Variants in MED16 observed in about 807,000 individuals in gnomAD.
MED16 encodes the protein mediator complex subunit 16.
Under a neutral mutation model 84.4 loss-of-function variants are expected in MED16, and 81 were observed. The ratio of observed to expected loss-of-function variants is 0.96; its 90% CI spans 0.80 to 1.15. The LOEUF is 1.15. MED16 is among the 50% of genes most tolerant of loss of function. The pLI, the probability that MED16 is intolerant of heterozygous loss-of-function variation, is 0.00. For synonymous variants in MED16, 897 were observed against 552.2 expected, an observed-to-expected ratio of 1.62 and a Z score of -8.76; for missense variants, 1,585 against 1,245.9, an observed-to-expected ratio of 1.27 and a Z score of -4.10.
chr19:874,469 C>T lies in MED16; in HGVS notation c.1771+775G>A, dbSNP rs1318312054. Among the ~76,000 whole-genome samples the T allele has an allele frequency of 3.3e-5, 5 of 152,300 alleles. No individual in the cohort carries two copies. In the South Asian group the frequency reaches 8.3e-4, roughly 25 times the overall value. The stretch of plus-strand genomic sequence containing the variant: ...CAGTGGCTCACGCCTGTAATCCCAG[C>T]GCTTTGGGAGGCAGAGGCGAGTAGG... On this transcript the variant is annotated intron_variant, in intron 10 of 15. Coordinates refer to ENST00000325464, the MANE Select transcript of MED16 (RefSeq NM_005481.3).
chr19:888,398 C>A (rs1489019116), intron 4 of MED16, among the ~76,000 whole-genome samples: 2 of 151,446 alleles, frequency 1.3e-5, no homozygotes, highest in Non-Finnish European at 2.9e-5. Flanking sequence ...GTGGTGGGTG[C>A]CTGTAATCCC....
intron 9 of MED16, among the ~76,000 whole-genome samples, chr19:876,275 G>C (rs573502045): frequency 1.2e-3 from 176 of 152,242 alleles, no homozygotes; most frequent in Non-Finnish European, 1.8e-3. Flanking sequence ...CTCTGGGATT[G>C]CAGGCACATA....
At chr19:877,322 G>A (rs906094265) in intron 8 of MED16, 142 bp from the exon 9 acceptor site, 11 of 728,888 alleles carry the variant, frequency 1.5e-5, no homozygotes, top group African/African-American at 1.2e-4. Flanking sequence ...GCGCGCATGT[G>A]TCTGTAGCGT....
At position 876,989 on chromosome 19, in the gene MED16, G is replaced by A. The variant is rs150192510; in HGVS notation, c.1545C>T (p.Thr515=). The A allele has an allele frequency of 5.9e-4, 929 of 1,587,488 alleles. No individual in the cohort carries two copies. Among genetic ancestry groups the A allele is most frequent in the Middle Eastern group, 2.5e-3 (14 of 5,700 alleles). ...GGGCCCCCACCTGCTGCAGGGCAGC[G>A]GTCTGGCGCGTGTACTCCTCGTGCA... The part of the protein sequence containing the change: ...EKLHEEYTRQ[T]AALQQVLSTR... Residue 515 remains threonine (T), a synonymous_variant, in exon 9 of 16, where the codon ACC becomes ACT. Coordinates refer to ENST00000325464, the MANE Select transcript of MED16 (RefSeq NM_005481.3).
intron 4 of MED16, among the ~76,000 whole-genome samples, chr19:887,455 CAGG>C (rs1302766397): frequency 1.3e-5 from 2 of 151,770 alleles, no homozygotes; most frequent in African/African-American, 4.8e-5. Context: ...ATCTCAAGGT[CAGG>C]AGTTCGACAC....
At position 885,022 on chromosome 19, in the gene MED16, G is replaced by T. The variant is rs553078648; in HGVS notation, c.880-14C>A. The T allele has an allele frequency of 3.2e-6, 5 of 1,577,780 alleles. No individual in the cohort carries two copies. Among genetic ancestry groups the T allele is most frequent in the African/African-American group, 2.7e-5 (2 of 74,536 alleles). On this transcript the variant is annotated splice_polypyrimidine_tract_variant and intron_variant, in intron 5 of 15. Coordinates refer to ENST00000325464, the MANE Select transcript of MED16 (RefSeq NM_005481.3). ...GCACAAAAGCACCTGCGGGGGAGGT[G>T]GGGGTGAGGGCTGACCCGGCACTGC... is the stretch of plus-strand genomic sequence containing the variant.
chr19:888,775 G>A (rs2036574079), intron 4 of MED16, among the ~76,000 whole-genome samples: 1 of 152,188 alleles, frequency 6.6e-6, no homozygotes, highest in Non-Finnish European at 1.5e-5. Flanking sequence ...GTGTACTGCG[G>A]CAATGCGCCG....
chr19:874,821 G>T (rs2145205957), intron 10 of MED16, among the ~76,000 whole-genome samples: 1 of 151,668 alleles, frequency 6.6e-6, no homozygotes, highest in South Asian at 2.1e-4. Context: ...GCTGAGCTGG[G>T]ACTGCGTCAC....
At chr19:869,341 T>G (rs955162489) in intron 13 of MED16, among the ~76,000 whole-genome samples, 2 of 146,082 alleles carry the variant, frequency 1.4e-5, no homozygotes, top group Non-Finnish European at 3.0e-5. Flanking sequence ...ACACCACCTC[T>G]GCCCAGACAC....
intron 12 of MED16, chr19:871,461 C>T (rs1186699109): frequency 7.0e-6 from 10 of 1,430,956 alleles, no homozygotes; most frequent in South Asian, 1.3e-5. Context: ...CTCTCCCCGT[C>T]TCTGGCCTGT....
In MED16 at chr19:885,549, A is replaced by G. The variant is rs566908884; in HGVS notation, c.879+221T>C. Among the ~76,000 whole-genome samples, 10 of 152,286 alleles carry G rather than the reference A, an allele frequency of 6.6e-5. No individual in the cohort carries two copies. The East Asian group carries it at 1.9e-3, about 29-fold the overall frequency. Reference sequence around the variant, plus strand: ...GACAGGAAGAGGCTGCGCTGTGGCCACGAAGCGGGAGGAAGGCGCCCCGAA... The same window carrying G: ...GACAGGAAGAGGCTGCGCTGTGGCCGCGAAGCGGGAGGAAGGCGCCCCGAA... On this transcript the variant is annotated intron_variant, in intron 5 of 15. Coordinates refer to ENST00000325464, the MANE Select transcript of MED16 (RefSeq NM_005481.3).
intron 7 of MED16, 60 bp from the exon 8 acceptor site, chr19:880,208 G>C (rs1377812830): frequency 4.1e-6 from 6 of 1,479,096 alleles, no homozygotes. Context: ...CGCCGGGGGA[G>C]GGGCCTCCTG....
At chr19:883,284 ACC>A (rs1568330002) in intron 6 of MED16, among the ~76,000 whole-genome samples, 2 of 134,648 alleles carry the variant, frequency 1.5e-5, no homozygotes, top group African/African-American at 6.0e-5. Context: ...CATGGCGGGG[ACC>A]GAAGCCTGGC....
intron 8 of MED16, among the ~76,000 whole-genome samples, chr19:879,116 A>G (rs1439096722): frequency 2.8e-4 from 20 of 71,278 alleles, no homozygotes; most frequent in African/African-American, 1.1e-3. Flanking sequence ...CCTGGTTGTC[A>G]ATACCCCCCA....
intron 15 of MED16, 29 bp downstream of exon 15, chr19:868,386 AG>A: frequency 6.2e-7 from 1 of 1,605,906 alleles, no homozygotes. Flanking sequence ...GGGGTAGCTG[AG>A]GGGCACCCGC....
At chr19:869,355 G>A (rs540278770) in intron 13 of MED16, among the ~76,000 whole-genome samples, 2 of 151,724 alleles carry the variant, frequency 1.3e-5, no homozygotes, top group African/African-American at 4.8e-5. Flanking sequence ...CAGACACCCG[G>A]CCTGGAGGTG....
chr19:870,766 G>A (rs2036029325), intron 13 of MED16, among the ~76,000 whole-genome samples: 2 of 150,842 alleles, frequency 1.3e-5, no homozygotes, highest in African/African-American at 2.4e-5. Context: ...GGACATGGAG[G>A]GAGGGAGCCG....
chr19:868,208 C>T lies in MED16; in HGVS notation c.2527G>A (p.Ala843Thr), dbSNP rs1379108611. Reference protein sequence around the residue: ...RGPDACVTSRASEEAPAFVQL... With the variant: ...RGPDACVTSRTSEEAPAFVQL... ...ACAAAGGCAGGGGCTTCCTCAGAAG[C>T]TCTGCTGGTCACGCAGGCGTCCGGC... Residue 843 changes from alanine (A) to threonine (T), a missense_variant, in exon 16 of 16, where the codon GCT becomes ACT. Transcript: ENST00000325464. The T allele has an allele frequency of 6.2e-7, 1 of 1,603,454 alleles. No homozygotes were observed.
intron 7 of MED16, among the ~76,000 whole-genome samples, chr19:881,049 G>A (rs4807153): frequency 0.17 from 26,120 of 152,098 alleles, 2,818 homozygotes; most frequent in East Asian, 0.58. Context: ...AGCCCCGAGC[G>A]GGTTTTGATA....
Sources: gnomAD v4.1 joint callset for allele counts (sites outside exome capture counted in the v4.1 genomes callset) on GRCh38, gnomAD v4.1.1 for gene constraint, MANE v1.5 for transcripts, NCBI Gene and HGNC (gene_info 2026-07-23, HGNC 2026-07-21) for gene names.